Variants in CNNM2 observed in about 807,000 individuals in gnomAD.
CNNM2 encodes the protein cyclin and CBS domain divalent metal cation transport mediator 2, also known as metal transporter CNNM2.
In CNNM2, 12 loss-of-function variants were observed where a neutral mutation model predicts 66.9. The observed-to-expected ratio is 0.18, with a 90% confidence interval of 0.11 to 0.29. CNNM2 has a LOEUF of 0.29. Ranked by LOEUF, CNNM2 falls within the 10% of genes least tolerant of loss-of-function variation. CNNM2 has a pLI of 1.00. For missense variants in CNNM2, 705 were observed against 1,167.7 expected (o/e 0.60, Z 5.77); for synonymous variants, 557 against 501.8 (o/e 1.11, Z -1.47).
chr10:103,008,711 G>A (rs543955287), intron 1 of CNNM2, among the ~76,000 whole-genome samples: 12 of 150,572 alleles, frequency 8.0e-5, no homozygotes, highest in East Asian at 5.9e-4. Flanking sequence ...CCGGGGAGGC[G>A]GAGGCTGCTG....
At chr10:102,945,730 A>G (rs1458233184) in intron 1 of CNNM2, among the ~76,000 whole-genome samples, 1 of 151,712 alleles carries the variant, frequency 6.6e-6, no homozygotes, top group Non-Finnish European at 1.5e-5. Context: ...GCCTTTACCT[A>G]CCTGCAGGCT....
chr10:103,066,002 G>A (rs560204440), intron 4 of CNNM2, among the ~76,000 whole-genome samples: 16 of 152,150 alleles, frequency 1.1e-4, no homozygotes, highest in Non-Finnish European at 1.8e-4. Context: ...CTCTCCTGCC[G>A]GGGCCACTGT....
chr10:102,986,726 C>T (rs1404503666), intron 1 of CNNM2, among the ~76,000 whole-genome samples: 6 of 150,382 alleles, frequency 4.0e-5, no homozygotes, highest in African/African-American at 7.4e-5. Context: ...CTTGCAGTGA[C>T]CCGAGATTGC....
At chr10:102,950,796 T>C (rs902584687) in intron 1 of CNNM2, among the ~76,000 whole-genome samples, 8 of 152,100 alleles carry the variant, frequency 5.3e-5, no homozygotes, top group Non-Finnish European at 1.2e-4. Flanking sequence ...ACTGTAATTT[T>C]AATTTTAAGG....
At position 103,080,729 on chromosome 10, in the gene CNNM2, A is replaced by G. The variant is rs899759140; in HGVS notation, c.*3549A>G. The G allele has an allele frequency of 2.0e-5, 3 of 152,234 alleles. No individual in the cohort carries two copies. The highest frequency in any genetic ancestry group is 7.2e-5 in the African/African-American group (3 of 41,458). The allele number at this position is 152,234 out of a possible 1,614,324, so 9.4% of individuals were successfully genotyped here. Reference sequence around the variant, plus strand: ...TGTGCTGTCGTCAGCACTGTACACTAAAGGACCAGCTTTTCCAAGCCTAGG... The same window carrying G: ...TGTGCTGTCGTCAGCACTGTACACTGAAGGACCAGCTTTTCCAAGCCTAGG... On this transcript the variant is annotated 3_prime_UTR_variant, in exon 8 of 8. Transcript: ENST00000369878.
chr10:103,062,926 T>A (rs2065412693), intron 4 of CNNM2, among the ~76,000 whole-genome samples: 1 of 152,222 alleles, frequency 6.6e-6, no homozygotes, highest in African/African-American at 2.4e-5. Context: ...GGCAGATCCT[T>A]CAGTATGAAA....
chr10:102,960,066 T>TAAA (rs1711691064), intron 1 of CNNM2, among the ~76,000 whole-genome samples: 1 of 150,804 alleles, frequency 6.6e-6, no homozygotes, highest in African/African-American at 2.4e-5. Flanking sequence ...AAATAAAAAA[T>TAAA]AAATAAATAA....
At chr10:103,045,890 C>T (rs957597813) in intron 1 of CNNM2, among the ~76,000 whole-genome samples, 11 of 152,224 alleles carry the variant, frequency 7.2e-5, no homozygotes, top group Non-Finnish European at 5.9e-5. Context: ...AGCGATCCTC[C>T]TGCCTTGGCC....
At chr10:102,993,084 G>A (rs1021521385) in intron 1 of CNNM2, among the ~76,000 whole-genome samples, 6 of 152,014 alleles carry the variant, frequency 3.9e-5, no homozygotes, top group African/African-American at 1.5e-4. Flanking sequence ...ACTTGTTTTC[G>A]TAACTGGCTT....
chr10:103,017,567 T>A (rs1182842782), intron 1 of CNNM2, among the ~76,000 whole-genome samples: 2 of 152,084 alleles, frequency 1.3e-5, no homozygotes, highest in Non-Finnish European at 2.9e-5. Flanking sequence ...TGGGGGATAA[T>A]GAGTGTGAAC....
In CNNM2 at chr10:102,976,611, A is replaced by ATTTTT. The variant is rs66498944; in HGVS notation, c.1621+56534_1621+56538dup. 4.5e-3 allele frequency among the ~76,000 whole-genome samples: 268 copies of ATTTTT among 59,406 alleles called. 32 individuals carry two copies. Among genetic ancestry groups the ATTTTT allele is most frequent in the African/African-American group, 0.015 (190 of 12,630 alleles). 39.0% of individuals were successfully genotyped at this position (59,406 alleles called of 152,430 possible). The stretch of plus-strand genomic sequence containing the variant: ...CAGGTGTGCGCCACACGCCCAGGTA[A>ATTTTT]TTTTTTTTTTTTTTTTTTTTTTTTT... On this transcript the variant is annotated intron_variant, in intron 1 of 7. Coordinates refer to ENST00000369878, the MANE Select transcript of CNNM2 (RefSeq NM_017649.5).
chr10:102,973,811 T>C (rs1336207206), intron 1 of CNNM2, among the ~76,000 whole-genome samples: 1 of 122,442 alleles, frequency 8.2e-6, no homozygotes, highest in East Asian at 2.4e-4. Flanking sequence ...CATCTTTTCA[T>C]GTATTCCCCC....
At chr10:102,950,954 T>TG (rs1313055085) in intron 1 of CNNM2, among the ~76,000 whole-genome samples, 1 of 150,502 alleles carries the variant, frequency 6.6e-6, no homozygotes, top group Admixed American at 6.6e-5. Context: ...TAGTTCCTCC[T>TG]GGGGGCAATA....
rs1420722296 is a variant in CNNM2 at position 103,078,448 on chromosome 10, G to A, written c.*1268G>A. ...CCAGAGAGGCTGCCTGTACAGCCAG[G>A]GTCAGTTTGGCCCCAAACAGGGATT... On this transcript the variant is annotated 3_prime_UTR_variant, in exon 8 of 8. Transcript: ENST00000369878. The A allele has an allele frequency of 2.0e-5, 3 of 152,244 alleles. No individual in the cohort carries two copies. The highest frequency in any genetic ancestry group is 2.1e-4 in the South Asian group (1 of 4,836). The allele number at this position is 152,244 out of a possible 1,614,324, so 9.4% of individuals were successfully genotyped here.
rs537512493 is a variant in CNNM2 at position 102,978,320 on chromosome 10, C to A, written c.1621+58219C>A. Among the ~76,000 whole-genome samples the A allele has an allele frequency of 1.4e-3, 213 of 151,446 alleles. 1 individual carries two copies. The highest frequency in any genetic ancestry group is 5.0e-3 in the African/African-American group (207 of 41,236). On this transcript the variant is annotated intron_variant, in intron 1 of 7. Transcript: ENST00000369878. ...CCCGCCCTCTGCAAATCTATACTTGCTGCCATCATCCTTATTTTAATTAAT... is the reference window on the plus strand; with the variant it reads ...CCCGCCCTCTGCAAATCTATACTTGATGCCATCATCCTTATTTTAATTAAT...
chr10:102,950,892 C>G (rs562801806), intron 1 of CNNM2, among the ~76,000 whole-genome samples: 1 of 151,634 alleles, frequency 6.6e-6, no homozygotes, highest in South Asian at 2.1e-4. Context: ...GGACATATCT[C>G]TATCTTTAAG....
At chr10:102,969,455 G>T (rs1271657787) in intron 1 of CNNM2, among the ~76,000 whole-genome samples, 2 of 151,298 alleles carry the variant, frequency 1.3e-5, no homozygotes, top group African/African-American at 4.9e-5. Flanking sequence ...CTTGTGATTT[G>T]CCCGCCTCGG....
chr10:103,011,874 G>A (rs758807016), intron 1 of CNNM2, among the ~76,000 whole-genome samples: 1 of 151,796 alleles, frequency 6.6e-6, no homozygotes, highest in African/African-American at 2.4e-5. Context: ...TGTATTTTTA[G>A]TAGAGACGGG....
At chr10:103,001,021 T>C (rs983972361) in intron 1 of CNNM2, among the ~76,000 whole-genome samples, 5 of 152,244 alleles carry the variant, frequency 3.3e-5, no homozygotes, top group African/African-American at 1.2e-4. Context: ...GAAGAAATTC[T>C]GACATATGCT....
Sources: gnomAD v4.1 joint callset for allele counts (sites outside exome capture counted in the v4.1 genomes callset) on GRCh38, gnomAD v4.1.1 for gene constraint, MANE v1.5 for transcripts, NCBI Gene and HGNC (gene_info 2026-07-23, HGNC 2026-07-21) for gene names.